The following SPATA6 variants were observed in gnomAD, a reference collection of about 807,000 sequenced individuals.
The protein encoded by SPATA6 is spermatogenesis-associated protein 6.
SPATA6 carries 56 observed loss-of-function variants against 65.3 expected under a neutral mutation model. The observed-to-expected ratio is 0.86, with a 90% CI of 0.69 to 1.07. The LOEUF (loss-of-function observed/expected upper bound fraction) is 1.07, where lower values mean the gene tolerates loss of function less well. Among genes scored for constraint, SPATA6 ranks in the 50% least tolerant of loss-of-function variants. The probability of loss-of-function intolerance (pLI) is 0.00; values close to 1 mark genes in which losing one functional copy is unlikely to be tolerated. For synonymous variants in SPATA6, 199 were observed against 213.2 expected, an observed-to-expected ratio of 0.93 and a Z score of 0.58; for missense variants, 590 against 594.8, an observed-to-expected ratio of 0.99 and a Z score of 0.08.
the SPATA6 span, among the ~76,000 whole-genome samples, chr1:48,288,356 G>A: frequency 6.6e-6 from 1 of 152,162 alleles, no homozygotes; most frequent in Non-Finnish European, 1.5e-5. Flanking sequence ...AGTTTAAGAA[G>A]CCGAGAGAAT....
At chr1:48,281,119 G>T in the SPATA6 span, among the ~76,000 whole-genome samples, 2 of 152,136 alleles carry the variant, frequency 1.3e-5, no homozygotes, top group Admixed American at 1.3e-4. Context: ...AAAGGCCTTT[G>T]ACAAAATTCA....
chr1:48,395,252 C>A lies in SPATA6; in HGVS notation c.868+15G>T. On this transcript the variant is annotated intron_variant, in intron 8 of 12. Transcript: ENST00000371847. ...AGGCAACTACAGCAATGAATAAAGA[C>A]AACTTCTAGCTTACCATTGTGCACC... 1.3e-6 allele frequency: 2 copies of A among 1,515,608 alleles called. No individual in the cohort carries two copies. Among genetic ancestry groups the A allele is most frequent in the South Asian group, 1.3e-5 (1 of 75,166 alleles). The allele number at this position is 1,515,608 out of a possible 1,614,324, so 93.9% of individuals were successfully genotyped here.
intron 9 of SPATA6, among the ~76,000 whole-genome samples, chr1:48,373,158 C>T (rs933922409): frequency 2.0e-5 from 3 of 152,188 alleles, no homozygotes; most frequent in African/African-American, 7.2e-5. Context: ...TACAAATTTT[C>T]CAAACTTTTA....
intron 1 of SPATA6, among the ~76,000 whole-genome samples, chr1:48,470,055 G>A (rs1263730953): frequency 2.0e-5 from 3 of 151,938 alleles, no homozygotes; most frequent in Non-Finnish European, 2.9e-5. Flanking sequence ...TGTTTGTTGG[G>A]GAAAAATATT....
intron 3 of SPATA6, among the ~76,000 whole-genome samples, chr1:48,446,257 T>C (rs1656043223): frequency 6.6e-6 from 1 of 152,200 alleles, no homozygotes; most frequent in Admixed American, 6.5e-5. Flanking sequence ...ATCACTCTAC[T>C]GCCGTGCCAG....
At chr1:48,326,855 G>C (rs1317479928) in intron 11 of SPATA6, among the ~76,000 whole-genome samples, 3 of 152,108 alleles carry the variant, frequency 2.0e-5, no homozygotes, top group Non-Finnish European at 4.4e-5. Context: ...ATTAATTCAT[G>C]ATATATTAAA....
intron 3 of SPATA6, among the ~76,000 whole-genome samples, chr1:48,449,688 C>T (rs1656380081): frequency 1.3e-5 from 2 of 152,066 alleles, no homozygotes; most frequent in Non-Finnish European, 1.5e-5. Flanking sequence ...TTTAACAAAT[C>T]GATTGCAAAA....
intron 9 of SPATA6, among the ~76,000 whole-genome samples, chr1:48,361,206 G>A (rs1350587571): frequency 3.3e-5 from 5 of 152,006 alleles, no homozygotes; most frequent in Non-Finnish European, 7.4e-5. Context: ...AATTAGCCCT[G>A]GGAATACTCC....
chr1:48,353,403 AC>A (rs1570260820), intron 11 of SPATA6, among the ~76,000 whole-genome samples: 1 of 151,660 alleles, frequency 6.6e-6, no homozygotes, highest in African/African-American at 2.4e-5. Flanking sequence ...AGACAAAACA[AC>A]CTACATAAAA....
intron 3 of SPATA6, among the ~76,000 whole-genome samples, chr1:48,441,007 T>C (rs181148041): frequency 2.6e-5 from 4 of 152,298 alleles, no homozygotes; most frequent in African/African-American, 9.6e-5. Context: ...AGTCACCTGG[T>C]TGGGCTTGTT....
rs547095991 is a variant in SPATA6 at position 48,431,304 on chromosome 1, G to T, written c.239-18153C>A. 7.2e-4 allele frequency among the ~76,000 whole-genome samples: 109 copies of T among 151,976 alleles called. 2 individuals are homozygous for T. In the South Asian group the frequency reaches 0.011, roughly 15 times the overall value. On this transcript the variant is annotated intron_variant, in intron 3 of 12. Transcript: ENST00000371847. ...GACAGAATTGAAGAGAGAAACAAAT[G>T]GTTCTACAATAATAGTAAGACATCA...
At chr1:48,408,099 C>T (rs1169593779) in intron 5 of SPATA6, among the ~76,000 whole-genome samples, 1 of 152,156 alleles carries the variant, frequency 6.6e-6, no homozygotes, top group South Asian at 2.1e-4. Context: ...ACTTAGTCAA[C>T]TTTTATACTT....
intron 11 of SPATA6, among the ~76,000 whole-genome samples, chr1:48,344,662 TA>T (rs1277505296): frequency 6.6e-6 from 1 of 151,914 alleles, no homozygotes; most frequent in Admixed American, 6.6e-5. Context: ...CACATAGGCT[TA>T]AAATAAAGGG....
At chr1:48,456,324 C>G (rs1324005677) in intron 1 of SPATA6, among the ~76,000 whole-genome samples, 2 of 152,174 alleles carry the variant, frequency 1.3e-5, no homozygotes, top group Non-Finnish European at 2.9e-5. Flanking sequence ...ACAGATTTTA[C>G]AAAGTTAGTT....
In SPATA6 at chr1:48,363,170, G is replaced by A. The variant is rs17104364; in HGVS notation, c.910-3400C>T. ...TTGTAAAGTCTTTTATCAAAATAAG[G>A]GGTTACGAGGTAAAACGAAAGGGTA... On this transcript the variant is annotated intron_variant, in intron 9 of 12. Transcript: ENST00000371847. 6.1e-3 allele frequency among the ~76,000 whole-genome samples: 924 copies of A among 152,128 alleles called. 9 individuals carry two copies. Among genetic ancestry groups the A allele is most frequent in the African/African-American group, 0.02 (814 of 41,536 alleles).
chr1:48,344,055 C>T (rs1646294472), intron 11 of SPATA6, among the ~76,000 whole-genome samples: 2 of 152,064 alleles, frequency 1.3e-5, no homozygotes, highest in South Asian at 4.1e-4. Flanking sequence ...AAGGAACAGA[C>T]TGACTACTAC....
Position 48,411,457 on chromosome 1 carries a change from CA to C in SPATA6, c.405+6del. On this transcript the variant is annotated splice_donor_region_variant and intron_variant, in intron 5 of 12. Transcript: ENST00000371847. ...AAAAACTGATTCAGAAAATTGCAAG[CA>C]CTTACTCGAAGGCCAGAAATCCTCC... 6.2e-7 allele frequency: 1 copy of C among 1,603,610 alleles called. No individual in the cohort carries two copies. The highest frequency in any genetic ancestry group is 1.1e-5 in the South Asian group (1 of 88,680).
At chr1:48,454,263 C>T (rs1226648179) in intron 1 of SPATA6, among the ~76,000 whole-genome samples, 2 of 152,046 alleles carry the variant, frequency 1.3e-5, no homozygotes, top group African/African-American at 4.8e-5. Context: ...TAATATTACC[C>T]AACACTCCCA....
At chr1:48,291,598 C>T (rs573822474), downstream of SPATA6, among the ~76,000 whole-genome samples, 17 of 152,332 alleles carry the variant, frequency 1.1e-4, no homozygotes, top group South Asian at 1.7e-3. Context: ...ACCTGCCCCC[C>T]TCACCCAGTA....
Sources: allele counts gnomAD v4.1 joint callset (sites outside exome capture counted in the v4.1 genomes callset), GRCh38; gene constraint gnomAD v4.1.1; transcripts MANE v1.5; gene names NCBI Gene and HGNC (gene_info 2026-07-23, HGNC 2026-07-21).